Variants in GABBR2 observed in about 807,000 individuals in gnomAD.
GABBR2 encodes G-protein coupled receptor 51.
A neutral mutation model predicts 105.6 loss-of-function variants in GABBR2; 23 were observed. That is an observed-to-expected ratio of 0.22 (90% CI 0.16 to 0.31). The LOEUF (loss-of-function observed/expected upper bound fraction) is 0.31. Among genes scored for constraint, GABBR2 ranks in the 10% least tolerant of loss-of-function variants. GABBR2 has a pLI of 1.00. For synonymous variants in GABBR2, 478 were observed against 499.7 expected, an observed-to-expected ratio of 0.96 and a Z score of 0.58; for missense variants, 734 against 1,245.5, an observed-to-expected ratio of 0.59 and a Z score of 6.18.
At chr9:98,637,803 G>A (rs1588263288) in intron 1 of GABBR2, among the ~76,000 whole-genome samples, 1 of 152,244 alleles carries the variant, frequency 6.6e-6, no homozygotes, top group Middle Eastern at 3.4e-3. Flanking sequence ...CCCCATGTTG[G>A]GTTTCTGACC....
intron 1 of GABBR2, among the ~76,000 whole-genome samples, chr9:98,667,644 T>C (rs1174901878): frequency 2.0e-5 from 3 of 152,194 alleles, no homozygotes; most frequent in African/African-American, 7.2e-5. Flanking sequence ...CTGTGTGCTG[T>C]GTGGCAGTTC....
intron 4 of GABBR2, among the ~76,000 whole-genome samples, chr9:98,484,901 G>A (rs908973271): frequency 2.6e-5 from 4 of 152,176 alleles, no homozygotes; most frequent in Admixed American, 2.0e-4. Flanking sequence ...AATAGCAGTA[G>A]CCCCTGCTTT....
intron 1 of GABBR2, among the ~76,000 whole-genome samples, chr9:98,596,792 G>T (rs1014309345): frequency 6.6e-6 from 1 of 151,970 alleles, no homozygotes; most frequent in Non-Finnish European, 1.5e-5. Flanking sequence ...CGTTTGGAGG[G>T]GCAGAGTCAC....
intron 1 of GABBR2, among the ~76,000 whole-genome samples, chr9:98,670,145 CA>C: frequency 6.6e-6 from 1 of 152,140 alleles, no homozygotes; most frequent in Non-Finnish European, 1.5e-5. Flanking sequence ...AAAAAATAAA[CA>C]GGTTTATTGA....
chr9:98,383,766 T>A (rs1832022965), intron 11 of GABBR2, among the ~76,000 whole-genome samples: 1 of 152,176 alleles, frequency 6.6e-6, no homozygotes, highest in Non-Finnish European at 1.5e-5. Flanking sequence ...TTCGCAGAAA[T>A]CCTGGGAGCA....
chr9:98,483,532 C>T (rs1826976818), intron 4 of GABBR2, among the ~76,000 whole-genome samples: 1 of 152,224 alleles, frequency 6.6e-6, no homozygotes, highest in Non-Finnish European at 1.5e-5. Context: ...AGATCCTATG[C>T]AGTCTTTACC....
intron 1 of GABBR2, among the ~76,000 whole-genome samples, chr9:98,652,520 C>T (rs1280657995): frequency 6.6e-6 from 1 of 152,172 alleles, no homozygotes; most frequent in East Asian, 1.9e-4. Flanking sequence ...TCCTCTCTCA[C>T]CTCTCTGAGC....
intron 17 of GABBR2, among the ~76,000 whole-genome samples, chr9:98,294,509 T>C (rs1265956168): frequency 2.0e-5 from 3 of 152,156 alleles, no homozygotes; most frequent in African/African-American, 7.2e-5. Flanking sequence ...TTTTTTTTTT[T>C]TTCTGTCACT....
intron 3 of GABBR2, chr9:98,516,051 C>T (rs1564100705): frequency 6.6e-6 from 1 of 152,472 alleles, no homozygotes; most frequent in Admixed American, 6.5e-5. Flanking sequence ...CTTGAGCATC[C>T]CTCTCTAGAC....
intron 3 of GABBR2, among the ~76,000 whole-genome samples, chr9:98,536,996 C>G (rs754939594): frequency 6.6e-6 from 1 of 152,184 alleles, no homozygotes; most frequent in African/African-American, 2.4e-5. Context: ...TCTCCCACCA[C>G]CAGAGGGCGT....
chr9:98,402,291 A>G (rs1402460416), intron 8 of GABBR2, among the ~76,000 whole-genome samples: 1 of 152,206 alleles, frequency 6.6e-6, no homozygotes, highest in African/African-American at 2.4e-5. Flanking sequence ...ATTCAGAGCC[A>G]TGTTTAGACT....
At chr9:98,433,793 G>T (rs1020082350) in intron 7 of GABBR2, among the ~76,000 whole-genome samples, 1 of 152,202 alleles carries the variant, frequency 6.6e-6, no homozygotes, top group Non-Finnish European at 1.5e-5. Context: ...GCATGTTTCT[G>T]TGGAAGGTGG....
At position 98,388,875 on chromosome 9, in the gene GABBR2, T is replaced by C. The variant is rs199979400; in HGVS notation, c.1508A>G (p.Asn503Ser). Residue 503 changes from asparagine (N) to serine (S), a missense_variant, in exon 10 of 19, where the codon AAC becomes AGC. Physicochemically the swap from Asn to Ser is conservative, Grantham distance 46. Around this residue, in one of 7 missense-constraint regions of GABBR2, gnomAD observed 370 missense variants for 648.9 expected, o/e 0.57. Coordinates refer to ENST00000259455, the MANE Select transcript of GABBR2 (RefSeq NM_005458.8). The surrounding 1 kb of genome is among the most constrained non-coding windows in gnomAD (Gnocchi z 4.4). ...TTACTTCTGATTCCGGTTCTTGATGTTGAAGAAGAGAAAAGCACTGGCCAT... is the reference window on the plus strand; with the variant it reads ...TTACTTCTGATTCCGGTTCTTGATGCTGAAGAAGAGAAAAGCACTGGCCAT... ...MIMASAFLFF[N>S]IKNRNQKLIK... 6.2e-7 allele frequency: 1 copy of C among 1,613,312 alleles called. No individual in the cohort carries two copies. The highest frequency in any genetic ancestry group is 8.5e-7 in the Non-Finnish European group (1 of 1,179,624).
intron 14 of GABBR2, among the ~76,000 whole-genome samples, chr9:98,308,100 G>A (rs538021962): frequency 1.1e-4 from 16 of 152,284 alleles, no homozygotes; most frequent in African/African-American, 3.6e-4. Flanking sequence ...TGGGCATGGT[G>A]GTGCATGCCT....
At chr9:98,433,771 A>G (rs1177310073) in intron 7 of GABBR2, among the ~76,000 whole-genome samples, 2 of 152,152 alleles carry the variant, frequency 1.3e-5, no homozygotes, top group Non-Finnish European at 2.9e-5. Context: ...TGTTTAATGT[A>G]TTGATACCTG....
chr9:98,350,128 CT>C (rs1831371174), intron 13 of GABBR2, among the ~76,000 whole-genome samples: 1 of 149,648 alleles, frequency 6.7e-6, no homozygotes, highest in African/African-American at 2.5e-5. Context: ...TTATTTTCAT[CT>C]TTTTTTTCTT....
intron 1 of GABBR2, among the ~76,000 whole-genome samples, chr9:98,698,680 A>G (rs1434764769): frequency 6.6e-6 from 1 of 152,042 alleles, no homozygotes; most frequent in Non-Finnish European, 1.5e-5. Flanking sequence ...TTGTATTTTT[A>G]GTAGAGACGG....
Position 98,290,581 on chromosome 9 carries a change from C to G in GABBR2, c.*3G>C. On this transcript the variant is annotated 3_prime_UTR_variant, in exon 19 of 19. Transcript: ENST00000259455. ...GGAGGCCCCGGGCCCAGGCCTCCCA[C>G]CCTTACAGGCCCGAGACCATGACTC... The G allele has an allele frequency of 7.3e-7, 1 of 1,375,494 alleles. No individual in the cohort carries two copies. The allele number at this position is 1,375,494 out of a possible 1,614,324, so 85.2% of individuals were successfully genotyped here.
chr9:98,489,036 G>C (rs1382823494), intron 4 of GABBR2, among the ~76,000 whole-genome samples: 2 of 152,152 alleles, frequency 1.3e-5, no homozygotes, highest in Non-Finnish European at 2.9e-5. Flanking sequence ...GGTCTCATAG[G>C]CCATATAGTC....
Sources: gnomAD v4.1 joint callset for allele counts (sites outside exome capture counted in the v4.1 genomes callset) on GRCh38, gnomAD v4.1.1 for gene constraint, gnomAD v4.1.1 regional missense constraint, Gnocchi (gnomAD v3.1) non-coding constraint, MANE v1.5 for transcripts, NCBI Gene and HGNC (gene_info 2026-07-23, HGNC 2026-07-21) for gene names.